The following ABTB3 variants were observed in gnomAD, a reference collection of about 807,000 sequenced individuals.
ABTB3 encodes ankyrin repeat- and BTB/POZ domain-containing protein 3.
chr12:107,646,484 T>G, the ABTB3 span, among the ~76,000 whole-genome samples: 5 of 152,236 alleles, frequency 3.3e-5, no homozygotes, highest in Admixed American at 6.5e-5. Context: ...AATAAATTGA[T>G]TTTAATAAGG....
the ABTB3 span, among the ~76,000 whole-genome samples, chr12:107,365,206 T>G: frequency 6.6e-6 from 1 of 152,216 alleles, no homozygotes; most frequent in Non-Finnish European, 1.5e-5. Context: ...GATAATTAAA[T>G]AAGATAATAG....
At chr12:107,537,419 G>A in the ABTB3 span, among the ~76,000 whole-genome samples, 2 of 152,128 alleles carry the variant, frequency 1.3e-5, no homozygotes, top group Non-Finnish European at 2.9e-5. Context: ...TGTTTGAGGT[G>A]ATGGATATGG....
the ABTB3 span, among the ~76,000 whole-genome samples, chr12:107,612,581 C>T: frequency 1.3e-4 from 20 of 152,220 alleles, no homozygotes. Flanking sequence ...GCCGAGGAGG[C>T]TCCTTCGTCG....
the ABTB3 span, among the ~76,000 whole-genome samples, chr12:107,440,376 C>T: frequency 6.6e-6 from 1 of 152,238 alleles, no homozygotes; most frequent in South Asian, 2.1e-4. Context: ...TCTGCTTCTG[C>T]CTGGAAGGTT....
chr12:107,488,291 T>C, the ABTB3 span, among the ~76,000 whole-genome samples: 1 of 152,172 alleles, frequency 6.6e-6, no homozygotes, highest in Non-Finnish European at 1.5e-5. Context: ...GTCATAGTTA[T>C]AAAAGTTGTT....
chr12:107,579,591 T>C, the ABTB3 span, among the ~76,000 whole-genome samples: 1 of 152,222 alleles, frequency 6.6e-6, no homozygotes, highest in Non-Finnish European at 1.5e-5. Context: ...ATAGGAAAAC[T>C]GGCACCTGCC....
chr12:107,640,556 C>A, the ABTB3 span: 2 of 543,690 alleles, frequency 3.7e-6, no homozygotes, highest in South Asian at 6.1e-5. Flanking sequence ...TACAGGGAAG[C>A]TGCTAGCATA....
the ABTB3 span, among the ~76,000 whole-genome samples, chr12:107,596,291 A>C: frequency 6.6e-6 from 1 of 152,190 alleles, no homozygotes; most frequent in Non-Finnish European, 1.5e-5. Flanking sequence ...CAACAGGGAG[A>C]ACTGAGCAAG....
At chr12:107,406,654 G>C in the ABTB3 span, among the ~76,000 whole-genome samples, 1 of 152,174 alleles carries the variant, frequency 6.6e-6, no homozygotes, top group Admixed American at 6.5e-5. Context: ...ACCTGCTCAG[G>C]TACTGTTGTA....
the ABTB3 span, among the ~76,000 whole-genome samples, chr12:107,632,231 G>A: frequency 2.6e-5 from 4 of 151,958 alleles, no homozygotes; most frequent in East Asian, 3.9e-4. Context: ...ACCGCTGTCC[G>A]CCAAAAAAGA....
chr12:107,535,412 A>T, the ABTB3 span, among the ~76,000 whole-genome samples: 1 of 152,202 alleles, frequency 6.6e-6, no homozygotes, highest in Non-Finnish European at 1.5e-5. Context: ...TTGTACTGGA[A>T]GCCCTAACAA....
the ABTB3 span, among the ~76,000 whole-genome samples, chr12:107,376,556 A>G: frequency 6.6e-6 from 1 of 152,116 alleles, no homozygotes; most frequent in Non-Finnish European, 1.5e-5. Context: ...TCCACCTTCC[A>G]GCGGAACAGA....
chr12:107,581,310 C>CGCGGGGGCGG, the ABTB3 span: 7 of 1,335,896 alleles, frequency 5.2e-6, no homozygotes, highest in Non-Finnish European at 6.7e-6. Flanking sequence ...CTCAGGTAGG[C>CGCGGGGGCGG]GCGGGGGCGG....
the ABTB3 span, among the ~76,000 whole-genome samples, chr12:107,632,924 G>A: frequency 6.6e-6 from 1 of 152,320 alleles, no homozygotes. Context: ...CCATCTTCAA[G>A]CCAGCAACAG....
the ABTB3 span, chr12:107,657,770 A>T: frequency 6.3e-7 from 1 of 1,584,792 alleles, no homozygotes; most frequent in African/African-American, 1.3e-5. Context: ...CTCCTGCCGC[A>T]TTGGCTTTAC....
chr12:107,561,758 C>T, the ABTB3 span, among the ~76,000 whole-genome samples: 2 of 152,126 alleles, frequency 1.3e-5, no homozygotes, highest in African/African-American at 2.4e-5. Context: ...ATTAATTTAT[C>T]GGGTTCCTCT....
chr12:107,494,787 C>T, the ABTB3 span, among the ~76,000 whole-genome samples: 1 of 152,156 alleles, frequency 6.6e-6, no homozygotes, highest in Non-Finnish European at 1.5e-5. Context: ...CTACTGAGGG[C>T]TCTGCGCTGC....
At chr12:107,608,863 C>G in the ABTB3 span, among the ~76,000 whole-genome samples, 1 of 123,664 alleles carries the variant, frequency 8.1e-6, no homozygotes, top group Non-Finnish European at 1.7e-5. Context: ...AGAGCAAGAC[C>G]CTGCCTCAAA....
chr12:107,650,030 G>A, the ABTB3 span: 2 of 152,094 alleles, frequency 1.3e-5, no homozygotes, highest in South Asian at 2.1e-4. Context: ...CTCAGCAAAA[G>A]AGCCAGGATC....
Sources: gnomAD v4.1 joint callset for allele counts (sites outside exome capture counted in the v4.1 genomes callset) on GRCh38, gnomAD v4.1.1 for gene constraint, MANE v1.5 for transcripts, NCBI Gene and HGNC (gene_info 2026-07-23, HGNC 2026-07-21) for gene names.